PTPRT: variants seen among roughly 807,000 people sequenced by gnomAD.
PTPRT encodes receptor-type tyrosine-protein phosphatase T.
PTPRT carries 56 observed loss-of-function variants against 176.8 expected under a neutral mutation model. The observed-to-expected ratio is 0.32, with a 90% CI of 0.26 to 0.40. PTPRT has a LOEUF of 0.40. PTPRT is among the 10% of genes least tolerant of loss of function. The pLI, the probability that PTPRT is intolerant of heterozygous loss-of-function variation, is 1.00. For synonymous variants in PTPRT, 783 were observed against 739.0 expected (o/e 1.06, Z -0.96); for missense variants, 1,540 against 1,908.2 (o/e 0.81, Z 3.60).
chr20:42,040,855 T>C, the PTPRT span, among the ~76,000 whole-genome samples: 1 of 152,212 alleles, frequency 6.6e-6, no homozygotes. Flanking sequence ...GGTGTTATCT[T>C]GGCTGTGGTG....
intron 16 of PTPRT, among the ~76,000 whole-genome samples, chr20:42,179,474 T>C (rs1203840694): frequency 6.6e-6 from 1 of 152,186 alleles, no homozygotes; most frequent in African/African-American, 2.4e-5. Context: ...TTTACGCAGA[T>C]AAAAAATCCA....
intron 13 of PTPRT, among the ~76,000 whole-genome samples, chr20:42,269,130 C>G (rs1409475077): frequency 6.6e-6 from 1 of 152,224 alleles, no homozygotes; most frequent in East Asian, 1.9e-4. Context: ...CCACATCCCC[C>G]CTTAGCTTTG....
intron 12 of PTPRT, among the ~76,000 whole-genome samples, chr20:42,309,206 G>A (rs2057590272): frequency 6.6e-6 from 1 of 152,220 alleles, no homozygotes; most frequent in African/African-American, 2.4e-5. Flanking sequence ...ATTTGCATGA[G>A]TTTGCCACAC....
intron 17 of PTPRT, 67 bp from the exon 18 acceptor site, chr20:42,142,069 C>T: frequency 7.3e-7 from 1 of 1,374,606 alleles, no homozygotes; most frequent in Admixed American, 1.7e-5. Context: ...GGAGATGAAC[C>T]AACAGGGCAA....
At chr20:43,167,723 G>C (rs2014892058) in intron 1 of PTPRT, among the ~76,000 whole-genome samples, 1 of 152,216 alleles carries the variant, frequency 6.6e-6, no homozygotes. Flanking sequence ...ACATATGTTA[G>C]AAAGGTCCAT....
the PTPRT span, among the ~76,000 whole-genome samples, chr20:42,036,494 A>G: frequency 1.3e-5 from 2 of 152,156 alleles, no homozygotes; most frequent in African/African-American, 4.8e-5. Flanking sequence ...GCAGAGCTCA[A>G]TATTCTCCCT....
At position 42,595,770 on chromosome 20, in the gene PTPRT, A is replaced by G. The variant is rs187094416; in HGVS notation, c.1153+82096T>C. 1.6e-3 allele frequency among the ~76,000 whole-genome samples: 239 copies of G among 152,294 alleles called. 3 individuals carry two copies. The highest frequency in any genetic ancestry group is 0.014 in the Admixed American group (213 of 15,292). On this transcript the variant is annotated intron_variant, in intron 7 of 30. Transcript: ENST00000373187. Reference sequence around the variant, plus strand: ...TCCTCTTGCCAGGAATTTCAGTGCGACATTGAACATGTCACTGGAGTTTGC... The same window carrying G: ...TCCTCTTGCCAGGAATTTCAGTGCGGCATTGAACATGTCACTGGAGTTTGC...
intron 7 of PTPRT, among the ~76,000 whole-genome samples, chr20:42,535,650 G>A (rs1405719273): frequency 2.0e-5 from 3 of 152,266 alleles, no homozygotes; most frequent in African/African-American, 4.8e-5. Context: ...GGAATAAAAG[G>A]GCCTCATGGC....
At chr20:42,125,383 A>C (rs1987801580) in intron 19 of PTPRT, among the ~76,000 whole-genome samples, 1 of 152,240 alleles carries the variant, frequency 6.6e-6, no homozygotes, top group African/African-American at 2.4e-5. Flanking sequence ...GCCTGGATTC[A>C]ACACAGGTCT....
At chr20:42,083,455 G>A (rs1399479238) in intron 29 of PTPRT, among the ~76,000 whole-genome samples, 1 of 152,204 alleles carries the variant, frequency 6.6e-6, no homozygotes, top group Non-Finnish European at 1.5e-5. Context: ...ACACTACGCA[G>A]CATCTTCCTG....
intron 13 of PTPRT, among the ~76,000 whole-genome samples, chr20:42,253,302 C>A (rs545804317): frequency 6.6e-6 from 1 of 152,220 alleles, no homozygotes; most frequent in Non-Finnish European, 1.5e-5. Context: ...CCACAGATGC[C>A]AGCAGTAGGT....
chr20:42,416,690 G>GT (rs1341739013), intron 9 of PTPRT, among the ~76,000 whole-genome samples: 1 of 152,200 alleles, frequency 6.6e-6, no homozygotes, highest in Non-Finnish European at 1.5e-5. Context: ...CTGTATTAGA[G>GT]TAACAGTGTC....
At chr20:42,610,440 G>A (rs1210282848) in intron 7 of PTPRT, among the ~76,000 whole-genome samples, 1 of 147,742 alleles carries the variant, frequency 6.8e-6, no homozygotes, top group African/African-American at 2.5e-5. Flanking sequence ...GTCTGGTCTC[G>A]AACTTCTGGC....
At chr20:43,019,348 C>T (rs781564367) in intron 1 of PTPRT, among the ~76,000 whole-genome samples, 89 of 152,258 alleles carry the variant, frequency 5.8e-4, no homozygotes, top group African/African-American at 2.0e-3. Context: ...TGGCCGGGCA[C>T]AGTGGCTCAC....
At chr20:42,415,579 A>G (rs2059058712) in intron 9 of PTPRT, among the ~76,000 whole-genome samples, 2 of 152,336 alleles carry the variant, frequency 1.3e-5, no homozygotes, top group South Asian at 2.1e-4. Context: ...GTATTATAAT[A>G]ATAGTAATGA....
chr20:42,238,000 C>T (rs1249670090), intron 14 of PTPRT, among the ~76,000 whole-genome samples: 1 of 152,196 alleles, frequency 6.6e-6, no homozygotes, highest in Non-Finnish European at 1.5e-5. Context: ...ATTTTCCCAT[C>T]TCAAGTAGGA....
At chr20:42,218,103 C>A (rs1382162516) in intron 15 of PTPRT, among the ~76,000 whole-genome samples, 3 of 152,144 alleles carry the variant, frequency 2.0e-5, no homozygotes, top group Non-Finnish European at 4.4e-5. Context: ...TCGGTTAAAG[C>A]CTCGTAAATG....
chr20:43,016,579 T>TTTTTTTTTTTTTTTTTTG (rs1335110796), intron 1 of PTPRT, among the ~76,000 whole-genome samples: 1 of 131,380 alleles, frequency 7.6e-6, no homozygotes, highest in African/African-American at 2.9e-5. Flanking sequence ...TTTTTTTTTT[T>TTTTTTTTTTTTTTTTTTG]GAGGCAGAGT....
chr20:43,010,159 C>T (rs187688904), intron 1 of PTPRT, among the ~76,000 whole-genome samples: 2 of 152,242 alleles, frequency 1.3e-5, no homozygotes, highest in East Asian at 1.9e-4. Flanking sequence ...GTCTCCATGT[C>T]GTGAACTCTT....
Sources: gnomAD v4.1 joint callset for allele counts (sites outside exome capture counted in the v4.1 genomes callset) on GRCh38, gnomAD v4.1.1 for gene constraint, MANE v1.5 for transcripts, NCBI Gene and HGNC (gene_info 2026-07-23, HGNC 2026-07-21) for gene names.